The following CLVS1 variants were observed in gnomAD, a reference collection of about 807,000 sequenced individuals.
CLVS1 encodes clavesin 1, also known as clavesin-1.
A neutral mutation model predicts 33.1 loss-of-function variants in CLVS1; 10 were observed. The observed-to-expected ratio is 0.30, with a 90% CI of 0.19 to 0.51. CLVS1 has a LOEUF of 0.51. Ranked by LOEUF, CLVS1 falls within the 20% of genes least tolerant of loss-of-function variation. CLVS1 has a pLI of 0.97. For synonymous variants in CLVS1, 163 were observed against 166.1 expected (o/e 0.98, Z 0.14); for missense variants, 343 against 433.4 (o/e 0.79, Z 1.85).
the CLVS1 span, among the ~76,000 whole-genome samples, chr8:61,049,476 G>A: frequency 6.6e-6 from 1 of 152,282 alleles, no homozygotes; most frequent in African/African-American, 2.4e-5. Context: ...AAATTATGAA[G>A]AACTTCATCA....
chr8:61,200,927 C>T (rs375332067), intron 2 of CLVS1, among the ~76,000 whole-genome samples: 2 of 152,008 alleles, frequency 1.3e-5, no homozygotes, highest in African/African-American at 4.8e-5. Flanking sequence ...TAACATTTGG[C>T]CATGTACCAT....
intron 2 of CLVS1, among the ~76,000 whole-genome samples, chr8:61,318,225 T>C (rs1171077678): frequency 6.6e-6 from 1 of 152,236 alleles, no homozygotes; most frequent in African/African-American, 2.4e-5. Context: ...ATCTGGTTTT[T>C]CTCTCTAGTG....
chr8:61,334,991 A>G (rs1183060203), intron 2 of CLVS1, among the ~76,000 whole-genome samples: 2 of 152,216 alleles, frequency 1.3e-5, no homozygotes, highest in East Asian at 3.8e-4. Context: ...GGGGGAAACC[A>G]GTGAGCCAGG....
intron 2 of CLVS1, among the ~76,000 whole-genome samples, chr8:61,192,368 A>T (rs1807503833): frequency 6.6e-6 from 1 of 152,208 alleles, no homozygotes; most frequent in Admixed American, 6.5e-5. Flanking sequence ...CTTATACAAA[A>T]ATTAATTCAG....
intron 2 of CLVS1, among the ~76,000 whole-genome samples, chr8:61,132,279 G>A (rs1033618792): frequency 6.6e-5 from 10 of 152,260 alleles, no homozygotes; most frequent in Non-Finnish European, 1.3e-4. Flanking sequence ...GCCGGGATCA[G>A]CTGCTGGTGG....
At chr8:60,971,071 C>CTTTTTTTTTTTTTTT in the CLVS1 span, among the ~76,000 whole-genome samples, 2 of 91,052 alleles carry the variant, frequency 2.2e-5, no homozygotes, top group African/African-American at 4.6e-5. Flanking sequence ...ATGACTTTTC[C>CTTTTTTTTTTTTTTT]TTTTTTTTTT....
At chr8:61,297,347 G>C (rs1290886142) in intron 1 of CLVS1, among the ~76,000 whole-genome samples, 2 of 152,176 alleles carry the variant, frequency 1.3e-5, no homozygotes, top group Admixed American at 1.3e-4. Context: ...CTAAACAGAT[G>C]AGTAGTGATG....
chr8:60,986,390 C>T, the CLVS1 span, among the ~76,000 whole-genome samples: 1 of 152,224 alleles, frequency 6.6e-6, no homozygotes, highest in Non-Finnish European at 1.5e-5. Flanking sequence ...GAAACAGAGG[C>T]AGGAACCAGC....
At chr8:61,446,528 G>C (rs1816762795) in intron 3 of CLVS1, among the ~76,000 whole-genome samples, 1 of 152,086 alleles carries the variant, frequency 6.6e-6, no homozygotes. Flanking sequence ...AGTGGCATAG[G>C]GCAGTTCATG....
At chr8:61,017,558 T>G in the CLVS1 span, among the ~76,000 whole-genome samples, 2 of 152,248 alleles carry the variant, frequency 1.3e-5, no homozygotes, top group African/African-American at 2.4e-5. Flanking sequence ...TGAAGCCGTA[T>G]TAGTGTAGAT....
At chr8:61,179,113 A>G (rs1242391507) in intron 2 of CLVS1, among the ~76,000 whole-genome samples, 1 of 152,224 alleles carries the variant, frequency 6.6e-6, no homozygotes, top group African/African-American at 2.4e-5. Context: ...TCTCACATGC[A>G]AAGACACACA....
rs1002941120 is a variant in CLVS1, at chr8:61,081,585, G to A, written c.-243+24355G>A. ...CTTGGTGAGAAAAATAAAATAAATT[G>A]TATCCTGGTCTCCAGAGATGGGCAT... On this transcript the variant is annotated intron_variant, in intron 1 of 2. Transcript: ENST00000522621. 1.7e-4 allele frequency among the ~76,000 whole-genome samples: 26 copies of A among 152,256 alleles called. 1 individual carries two copies. The highest frequency in any genetic ancestry group is 5.2e-4 in the Admixed American group (8 of 15,302).
chr8:61,059,481 T>TATATATATATATATATATAC, intron 1 of CLVS1, among the ~76,000 whole-genome samples: 1 of 86,714 alleles, frequency 1.2e-5, no homozygotes, highest in Non-Finnish European at 2.1e-5. Flanking sequence ...CATACATATA[T>TATATATATATATATATATAC]ATATATATAT....
chr8:60,972,264 C>G, the CLVS1 span, among the ~76,000 whole-genome samples: 1 of 152,132 alleles, frequency 6.6e-6, no homozygotes, highest in Non-Finnish European at 1.5e-5. Flanking sequence ...AAAATTATGA[C>G]AGTGAAGGAG....
At chr8:60,992,259 A>G in the CLVS1 span, among the ~76,000 whole-genome samples, 1 of 152,240 alleles carries the variant, frequency 6.6e-6, no homozygotes, top group Non-Finnish European at 1.5e-5. Flanking sequence ...CCATGAGAGC[A>G]CAGTTATGTC....
intron 5 of CLVS1, chr8:61,465,103 C>T (rs1170087002): frequency 6.6e-6 from 1 of 152,408 alleles, no homozygotes; most frequent in Non-Finnish European, 1.5e-5. Context: ...CAGCGTGTTC[C>T]CTGTGGTGTG....
chr8:61,194,205 C>G (rs1393651460), intron 2 of CLVS1, among the ~76,000 whole-genome samples: 1 of 151,790 alleles, frequency 6.6e-6, no homozygotes, highest in Non-Finnish European at 1.5e-5. Flanking sequence ...TCCTAATGTA[C>G]CAGTAATTCT....
chr8:61,032,201 G>C, the CLVS1 span, among the ~76,000 whole-genome samples: 1 of 152,228 alleles, frequency 6.6e-6, no homozygotes, highest in Non-Finnish European at 1.5e-5. Flanking sequence ...CCTGAGAGGA[G>C]AGACTGTGCC....
chr8:61,340,219 T>G (rs1811983065), intron 2 of CLVS1, among the ~76,000 whole-genome samples: 1 of 152,226 alleles, frequency 6.6e-6, no homozygotes, highest in South Asian at 2.1e-4. Context: ...TCTTAAAATC[T>G]ACTTTCTTGG....
Sources: gnomAD v4.1 joint callset for allele counts (sites outside exome capture counted in the v4.1 genomes callset) on GRCh38, gnomAD v4.1.1 for gene constraint, MANE v1.5 for transcripts, NCBI Gene and HGNC (gene_info 2026-07-23, HGNC 2026-07-21) for gene names.